Variants in SSH2 observed in about 807,000 individuals in gnomAD.
SSH2 encodes the protein slingshot protein phosphatase 2, also known as protein phosphatase Slingshot homolog 2.
A neutral mutation model predicts 135.2 loss-of-function variants in SSH2; 37 were observed. The observed-to-expected ratio is 0.27, with a 90% CI of 0.21 to 0.36. The LOEUF (loss-of-function observed/expected upper bound fraction) is 0.36, where lower values mean the gene tolerates loss of function less well. Among genes scored for constraint, SSH2 ranks in the 10% least tolerant of loss-of-function variants. SSH2 has a pLI of 1.00. For synonymous variants in SSH2, 628 were observed against 646.2 expected, an observed-to-expected ratio of 0.97 and a Z score of 0.43; for missense variants, 1,408 against 1,765.3, an observed-to-expected ratio of 0.80 and a Z score of 3.63.
chr17:29,878,617 T>A (rs1331482524), intron 1 of SSH2, among the ~76,000 whole-genome samples: 1 of 152,208 alleles, frequency 6.6e-6, no homozygotes, highest in Non-Finnish European at 1.5e-5. Flanking sequence ...CAAATAAGTA[T>A]AGACTACAAA....
At chr17:29,788,668 A>G (rs572684715) in intron 3 of SSH2, among the ~76,000 whole-genome samples, 2 of 143,872 alleles carry the variant, frequency 1.4e-5, no homozygotes, top group African/African-American at 5.2e-5. Flanking sequence ...CTCTCTATAT[A>G]TATCTATCTA....
At chr17:29,717,030 C>T (rs1357085559) in intron 3 of SSH2, among the ~76,000 whole-genome samples, 3 of 152,238 alleles carry the variant, frequency 2.0e-5, no homozygotes, top group African/African-American at 7.2e-5. Flanking sequence ...CCTCTGGTAA[C>T]TCTCTGACCA....
rs568926360 is a variant in SSH2 at position 29,696,668 on chromosome 17, C to T, written c.293-1145G>A. 1.1e-4 allele frequency among the ~76,000 whole-genome samples: 15 copies of T among 137,102 alleles called. No homozygotes were observed. The South Asian group carries it at 1.6e-3, about 14-fold the overall frequency. 89.9% of individuals were successfully genotyped at this position (137,102 alleles called of 152,430 possible). ...ACACACCTATGTATGTATATATATA[C>T]GTACGTGTGTGTGTGTGTGTGTGTG... is the stretch of plus-strand genomic sequence containing the variant. On this transcript the variant is annotated intron_variant, in intron 4 of 15. Transcript: ENST00000540801.
chr17:29,773,052 TCCATCCATCATCCAC>T (rs749489912), intron 3 of SSH2, among the ~76,000 whole-genome samples: 31 of 150,500 alleles, frequency 2.1e-4, no homozygotes, highest in African/African-American at 3.4e-4. Context: ...CATCCATCCA[TCCATCCATCATCCAC>T]CCATCCATCC....
At chr17:29,667,019 A>G (rs1190844470) in intron 10 of SSH2, 24 bp from the exon 11 acceptor site, 1 of 1,613,954 alleles carries the variant, frequency 6.2e-7, no homozygotes, top group Admixed American at 1.7e-5. Flanking sequence ...GATATATTGG[A>G]CCCATCTCTT....
chr17:29,869,364 G>A (rs902315292), intron 1 of SSH2, among the ~76,000 whole-genome samples: 1 of 152,142 alleles, frequency 6.6e-6, no homozygotes, highest in African/African-American at 2.4e-5. Context: ...AACTTAAAGA[G>A]CAGCTTGCTG....
intron 1 of SSH2, among the ~76,000 whole-genome samples, chr17:29,869,381 G>A (rs999747927): frequency 9.2e-5 from 14 of 152,182 alleles, no homozygotes; most frequent in African/African-American, 2.7e-4. Context: ...GCTGGTGAGC[G>A]GAAGCTCAAC....
intron 2 of SSH2, among the ~76,000 whole-genome samples, chr17:29,843,840 C>T (rs2043085885): frequency 1.3e-5 from 2 of 152,042 alleles, no homozygotes. Context: ...TAGGCTAAAT[C>T]TTCTCTCTCT....
At chr17:29,741,879 G>A (rs1368160864) in intron 3 of SSH2, among the ~76,000 whole-genome samples, 1 of 150,276 alleles carries the variant, frequency 6.7e-6, no homozygotes, top group Non-Finnish European at 1.5e-5. Context: ...TTCCCAAAGT[G>A]CTTGGGATTA....
intron 9 of SSH2, among the ~76,000 whole-genome samples, chr17:29,668,385 C>T (rs944966258): frequency 5.9e-5 from 9 of 152,106 alleles, no homozygotes; most frequent in Non-Finnish European, 1.0e-4. Flanking sequence ...TTTATTTGTC[C>T]TAGACATAGC....
chr17:29,928,400 A>C (rs530019329), intron 1 of SSH2: 1 of 397,016 alleles, frequency 2.5e-6, no homozygotes, highest in South Asian at 1.4e-4. Context: ...AAATAGTCTT[A>C]GAAGTCCCCC....
intron 3 of SSH2, among the ~76,000 whole-genome samples, chr17:29,738,934 G>A (rs1354746698): frequency 6.6e-6 from 1 of 152,156 alleles, no homozygotes; most frequent in Non-Finnish European, 1.5e-5. Context: ...TGAATCAAAT[G>A]TTATATGAAT....
intron 14 of SSH2, among the ~76,000 whole-genome samples, chr17:29,642,579 C>T (rs1598703015): frequency 6.6e-6 from 1 of 151,758 alleles, no homozygotes; most frequent in African/African-American, 2.4e-5. Flanking sequence ...CCCCCCCCAC[C>T]GCCTCTTGTT....
At chr17:29,724,538 A>AAAAC (rs1555620975) in intron 3 of SSH2, among the ~76,000 whole-genome samples, 1 of 149,770 alleles carries the variant, frequency 6.7e-6, no homozygotes, top group African/African-American at 2.4e-5. Context: ...CAAAAAAAAA[A>AAAAC]AAAAAAAACA....
chr17:29,740,526 C>A (rs2040521069), intron 3 of SSH2, among the ~76,000 whole-genome samples: 3 of 151,806 alleles, frequency 2.0e-5, no homozygotes, highest in Admixed American at 1.3e-4. Context: ...AAAGAAAGAG[C>A]CTTTGAGAAA....
At chr17:29,790,338 G>C (rs2042042342) in intron 3 of SSH2, among the ~76,000 whole-genome samples, 1 of 152,080 alleles carries the variant, frequency 6.6e-6, no homozygotes, top group African/African-American at 2.4e-5. Flanking sequence ...CACCAAGTAA[G>C]AACACTGAGA....
chr17:29,923,593 C>T (rs1055768347), intron 1 of SSH2, among the ~76,000 whole-genome samples: 1 of 150,970 alleles, frequency 6.6e-6, no homozygotes, highest in African/African-American at 2.4e-5. Flanking sequence ...ACACTCCAGC[C>T]TGGGCAACAG....
chr17:29,752,377 A>G (rs1378686725), intron 3 of SSH2, among the ~76,000 whole-genome samples: 1 of 152,204 alleles, frequency 6.6e-6, no homozygotes, highest in Non-Finnish European at 1.5e-5. Context: ...TACTCCAAGC[A>G]TCTGTAAGAA....
chr17:29,864,644 T>TAA (rs540074955), intron 1 of SSH2, among the ~76,000 whole-genome samples: 57,757 of 137,688 alleles, frequency 0.42, 13,595 homozygotes, highest in East Asian at 0.68. Context: ...GAATACTTAC[T>TAA]AAAAAAAAAA....
Sources: allele counts gnomAD v4.1 joint callset (sites outside exome capture counted in the v4.1 genomes callset), GRCh38; gene constraint gnomAD v4.1.1; transcripts MANE v1.5; gene names NCBI Gene and HGNC (gene_info 2026-07-23, HGNC 2026-07-21).